Variants in CSMD1 observed in about 807,000 individuals in gnomAD.
CSMD1 encodes the protein CUB and Sushi multiple domains 1, also known as CUB and sushi domain-containing protein 1.
Under a neutral mutation model 417.5 loss-of-function variants are expected in CSMD1, and 213 were observed. That is an observed-to-expected ratio of 0.51 (90% confidence interval 0.46 to 0.57). CSMD1 has a LOEUF of 0.57. Ranked by LOEUF, CSMD1 falls within the 20% of genes least tolerant of loss-of-function variation. CSMD1 has a pLI of 0.00. For synonymous variants in CSMD1, 2,862 were observed against 1,736.8 expected (o/e 1.65, Z -16.11); for missense variants, 6,923 against 4,529.7 (o/e 1.53, Z -15.17).
At chr8:4,521,278 G>A (rs1260583854) in intron 2 of CSMD1, among the ~76,000 whole-genome samples, 1 of 152,072 alleles carries the variant, frequency 6.6e-6, no homozygotes, top group Non-Finnish European at 1.5e-5. Context: ...TAGCTGTGAA[G>A]GAAGAATGAA....
At chr8:4,867,925 C>CTAGT (rs1311424993) in intron 1 of CSMD1, among the ~76,000 whole-genome samples, 3 of 149,780 alleles carry the variant, frequency 2.0e-5, no homozygotes, top group Non-Finnish European at 3.0e-5. Flanking sequence ...AGCTAAGACC[C>CTAGT]TACTGTCTAC....
intron 1 of CSMD1, among the ~76,000 whole-genome samples, chr8:4,952,676 A>C (rs7836826): frequency 0.013 from 1,940 of 152,188 alleles, 32 homozygotes; most frequent in African/African-American, 0.042. Flanking sequence ...AATCTATCAG[A>C]AGCAAAACAT....
At chr8:4,834,670 A>C (rs892811149) in intron 1 of CSMD1, among the ~76,000 whole-genome samples, 31 of 152,032 alleles carry the variant, frequency 2.0e-4, no homozygotes, top group Non-Finnish European at 4.4e-5. Flanking sequence ...AAAAGGAAAA[A>C]AAAAGGCCAG....
intron 3 of CSMD1, among the ~76,000 whole-genome samples, chr8:4,342,420 T>C (rs1243435904): frequency 1.3e-5 from 2 of 152,102 alleles, no homozygotes; most frequent in African/African-American, 2.4e-5. Context: ...AATCACTTTC[T>C]GAACTGTTGA....
intron 10 of CSMD1, among the ~76,000 whole-genome samples, chr8:3,510,819 A>G (rs563292494): frequency 6.6e-6 from 1 of 151,900 alleles, no homozygotes; most frequent in African/African-American, 2.4e-5. Flanking sequence ...TTTGAGAAGT[A>G]TCTGTTCATA....
chr8:4,562,296 G>A (rs1050623912), intron 2 of CSMD1, among the ~76,000 whole-genome samples: 2 of 152,214 alleles, frequency 1.3e-5, no homozygotes, highest in Admixed American at 6.5e-5. Context: ...ACCTGCTGGA[G>A]TGGAGGACTC....
chr8:3,311,039 C>G (rs1805302323), intron 23 of CSMD1, among the ~76,000 whole-genome samples: 1 of 152,018 alleles, frequency 6.6e-6, no homozygotes, highest in Admixed American at 6.5e-5. Context: ...GGTTACGTCC[C>G]AATAAACCCA....
At chr8:3,914,036 TAAAGAA>T (rs1808638223) in intron 5 of CSMD1, among the ~76,000 whole-genome samples, 1 of 152,136 alleles carries the variant, frequency 6.6e-6, no homozygotes, top group East Asian at 1.9e-4. Context: ...ACTTCTAAGT[TAAAGAA>T]AAAGTAATAT....
At chr8:3,964,273 C>G (rs1812525326) in intron 5 of CSMD1, among the ~76,000 whole-genome samples, 1 of 152,176 alleles carries the variant, frequency 6.6e-6, no homozygotes, top group Admixed American at 6.5e-5. Flanking sequence ...GGGCTTAGAG[C>G]TCACAGGCTG....
intron 41 of CSMD1, among the ~76,000 whole-genome samples, chr8:3,139,910 T>C (rs1818329647): frequency 1.3e-5 from 2 of 149,776 alleles, no homozygotes; most frequent in Non-Finnish European, 3.0e-5. Flanking sequence ...TCTTTCTTTT[T>C]TTTTTTTTTT....
chr8:4,271,924 A>C (rs908705646), intron 3 of CSMD1, among the ~76,000 whole-genome samples: 4 of 152,156 alleles, frequency 2.6e-5, no homozygotes, highest in African/African-American at 9.7e-5. Flanking sequence ...CCCCATACAT[A>C]GCAAAATACC....
At chr8:3,911,545 A>G (rs573025104) in intron 5 of CSMD1, among the ~76,000 whole-genome samples, 8 of 151,870 alleles carry the variant, frequency 5.3e-5, no homozygotes, top group Admixed American at 4.6e-4. Context: ...AAAAAAAAAA[A>G]AAAGAAGAAG....
chr8:4,179,993 A>C (rs10099771), intron 3 of CSMD1, among the ~76,000 whole-genome samples: 7 of 152,006 alleles, frequency 4.6e-5, no homozygotes, highest in African/African-American at 7.2e-5. Context: ...CTGTAAACTA[A>C]TTCAACCATT....
chr8:4,485,868 C>T (rs1435559062), intron 2 of CSMD1, among the ~76,000 whole-genome samples: 1 of 151,914 alleles, frequency 6.6e-6, no homozygotes, highest in Non-Finnish European at 1.5e-5. Context: ...ATTATGGTGA[C>T]ATTTCACTCT....
At chr8:3,586,025 C>T (rs552011673) in intron 9 of CSMD1, 111 bp downstream of exon 9, 9 of 1,120,874 alleles carry the variant, frequency 8.0e-6, no homozygotes, top group South Asian at 5.7e-5. Flanking sequence ...ACATTACTAC[C>T]GAATTCTACT....
At position 4,051,933 on chromosome 8, in the gene CSMD1, T is replaced by C. The variant is rs567292799; in HGVS notation, c.416-19834A>G. Reference sequence around the variant, plus strand: ...CTTCCTTTCTTTCTTTTTCTTTCTTTCTTTCTTTCTTGACAGAGTTTCACT... The same window carrying C: ...CTTCCTTTCTTTCTTTTTCTTTCTTCCTTTCTTTCTTGACAGAGTTTCACT... On this transcript the variant is annotated intron_variant, in intron 3 of 69. Coordinates refer to ENST00000635120, the MANE Select transcript of CSMD1 (RefSeq NM_033225.6). Among the ~76,000 whole-genome samples the C allele has an allele frequency of 1.1e-4, 17 of 151,788 alleles. No individual in the cohort carries two copies. In the East Asian group the frequency reaches 1.6e-3, roughly 14 times the overall value.
At chr8:4,230,559 A>G (rs1245825652) in intron 3 of CSMD1, among the ~76,000 whole-genome samples, 6 of 152,194 alleles carry the variant, frequency 3.9e-5, no homozygotes, top group Admixed American at 2.6e-4. Flanking sequence ...ATTGGACAAT[A>G]AAGTCCAATC....
At chr8:3,765,508 G>A (rs1008210149) in intron 5 of CSMD1, among the ~76,000 whole-genome samples, 1 of 152,204 alleles carries the variant, frequency 6.6e-6, no homozygotes, top group African/African-American at 2.4e-5. Flanking sequence ...GAGGGCATTG[G>A]TGCTAACTCA....
intron 20 of CSMD1, among the ~76,000 whole-genome samples, chr8:3,365,208 T>G (rs959689765): frequency 2.0e-5 from 3 of 152,220 alleles, no homozygotes; most frequent in Non-Finnish European, 2.9e-5. Flanking sequence ...TCATGATTAC[T>G]GCTGATTACA....
Sources: allele counts gnomAD v4.1 joint callset (sites outside exome capture counted in the v4.1 genomes callset), GRCh38; gene constraint gnomAD v4.1.1; transcripts MANE v1.5; gene names NCBI Gene and HGNC (gene_info 2026-07-23, HGNC 2026-07-21).